Variants in LMLN observed in about 807,000 individuals in gnomAD.
LMLN encodes the protein leishmanolysin-like peptidase.
Under a neutral mutation model 92.3 loss-of-function variants are expected in LMLN, and 70 were observed. That is an observed-to-expected ratio of 0.76 (90% CI 0.63 to 0.92). The LOEUF (loss-of-function observed/expected upper bound fraction) is 0.92, where lower values mean the gene tolerates loss of function less well. LMLN is among the 40% of genes least tolerant of loss of function. The pLI, the probability that LMLN is intolerant of heterozygous loss-of-function variation, is 0.00. For synonymous variants in LMLN, 308 were observed against 296.2 expected, an observed-to-expected ratio of 1.04 and a Z score of -0.41; for missense variants, 691 against 814.6, an observed-to-expected ratio of 0.85 and a Z score of 1.85.
intron 1 of LMLN, among the ~76,000 whole-genome samples, chr3:197,967,380 C>T (rs1337849448): frequency 4.6e-5 from 7 of 152,148 alleles, no homozygotes; most frequent in East Asian, 3.8e-4. Flanking sequence ...TCAGTAGGAC[C>T]GTGATGCCCG....
chr3:197,990,509 T>C, intron 8 of LMLN, 50 bp from the exon 9 acceptor site: 1 of 792,874 alleles, frequency 1.3e-6, no homozygotes, highest in East Asian at 2.6e-5. Flanking sequence ...TTTTTATATT[T>C]AAAATGGTGA....
At chr3:197,998,359 G>C (rs939243155) in intron 10 of LMLN, among the ~76,000 whole-genome samples, 4 of 152,148 alleles carry the variant, frequency 2.6e-5, no homozygotes, top group African/African-American at 9.7e-5. Context: ...TGACCACAAA[G>C]TAACAATGAT....
intron 8 of LMLN, 100 bp downstream of exon 8, chr3:197,985,990 T>G (rs1211185766): frequency 1.4e-6 from 1 of 721,562 alleles, no homozygotes; most frequent in African/African-American, 1.8e-5. Context: ...TAATAATGTC[T>G]TCATGGCAAA....
intron 6 of LMLN, among the ~76,000 whole-genome samples, 185 bp from the exon 7 acceptor site, chr3:197,983,758 G>T (rs1721623664): frequency 1.3e-5 from 2 of 152,078 alleles, no homozygotes; most frequent in South Asian, 2.1e-4. Flanking sequence ...GGAAACAGGG[G>T]TTGATTTGCC....
chr3:197,978,912 C>G (rs1721477692), intron 5 of LMLN, among the ~76,000 whole-genome samples: 1 of 152,016 alleles, frequency 6.6e-6, no homozygotes, highest in Non-Finnish European at 1.5e-5. Context: ...AAGCTTGAAC[C>G]CTGGAGGCGG....
intron 1 of LMLN, among the ~76,000 whole-genome samples, chr3:197,965,660 A>G (rs1721037971): frequency 6.6e-6 from 1 of 152,218 alleles, no homozygotes; most frequent in African/African-American, 2.4e-5. Context: ...CATGCCTATA[A>G]GTCTAGCTCT....
chr3:197,989,577 C>CAT (rs1355031194), intron 8 of LMLN, among the ~76,000 whole-genome samples: 1 of 152,170 alleles, frequency 6.6e-6, no homozygotes, highest in African/African-American at 2.4e-5. Flanking sequence ...TTATCCTGTA[C>CAT]ACTTGTCAAA....
chr3:198,020,679 T>C (rs1301343063), intron 12 of LMLN, among the ~76,000 whole-genome samples: 3 of 151,398 alleles, frequency 2.0e-5, no homozygotes, highest in African/African-American at 7.3e-5. Context: ...CTTCAACCTC[T>C]GCCTCCCAGG....
chr3:198,011,687 A>G (rs1305236831), intron 11 of LMLN, among the ~76,000 whole-genome samples: 2 of 151,376 alleles, frequency 1.3e-5, no homozygotes, highest in Admixed American at 1.3e-4. Flanking sequence ...TAGATCCCTG[A>G]GGAATCGCCA....
At chr3:198,009,589 T>A (rs903439860) in intron 11 of LMLN, among the ~76,000 whole-genome samples, 1 of 152,186 alleles carries the variant, frequency 6.6e-6, no homozygotes, top group African/African-American at 2.4e-5. Flanking sequence ...CAGTGAAACA[T>A]CTGGGCCTGG....
chr3:197,981,968 C>A (rs1212592640), intron 6 of LMLN, among the ~76,000 whole-genome samples: 1 of 152,128 alleles, frequency 6.6e-6, no homozygotes, highest in African/African-American at 2.4e-5. Flanking sequence ...CTGCGCCCAA[C>A]TAATTTTTGT....
chr3:197,974,671 A>T (rs1721319256), intron 2 of LMLN, among the ~76,000 whole-genome samples, 197 bp downstream of exon 2: 1 of 152,250 alleles, frequency 6.6e-6, no homozygotes, highest in African/African-American at 2.4e-5. Flanking sequence ...CTTTATGAAT[A>T]ATTTTCTTTT....
intron 11 of LMLN, among the ~76,000 whole-genome samples, chr3:198,009,651 C>A (rs879577988): frequency 2.0e-5 from 3 of 151,978 alleles, no homozygotes; most frequent in Non-Finnish European, 4.4e-5. Context: ...AATTAAACTT[C>A]TTTAGTAGTT....
At chr3:197,972,710 T>A (rs1306335261) in intron 1 of LMLN, among the ~76,000 whole-genome samples, 1 of 152,186 alleles carries the variant, frequency 6.6e-6, no homozygotes, top group Non-Finnish European at 1.5e-5. Flanking sequence ...TAATTTTTTT[T>A]TTTTTGTAGC....
chr3:197,974,216 G>A (rs1051447718), intron 1 of LMLN, among the ~76,000 whole-genome samples, 161 bp from the exon 2 acceptor site: 5 of 152,218 alleles, frequency 3.3e-5, no homozygotes, highest in Non-Finnish European at 5.9e-5. Flanking sequence ...CCTTGCTTGG[G>A]AGAGCTTTGA....
chr3:197,979,638 A>G (rs1157019407), intron 5 of LMLN, among the ~76,000 whole-genome samples: 3 of 152,180 alleles, frequency 2.0e-5, no homozygotes, highest in Non-Finnish European at 4.4e-5. Context: ...CTATATGGTG[A>G]AACCCTGTCT....
intron 13 of LMLN, among the ~76,000 whole-genome samples, chr3:198,022,711 C>T (rs1029762998): frequency 6.6e-6 from 1 of 152,108 alleles, no homozygotes; most frequent in Non-Finnish European, 1.5e-5. Flanking sequence ...AAAAAATTAG[C>T]CAGGTGTGAT....
At chr3:198,036,160 C>G in intron 15 of LMLN, 117 bp downstream of exon 16, 1 of 857,226 alleles carries the variant, frequency 1.2e-6, no homozygotes, top group Non-Finnish European at 1.8e-6. Context: ...TTCTTCTCTG[C>G]TGATTGCATT....
rs560576901 is a variant in LMLN at position 197,965,821 on chromosome 3, G to A, written c.219+5381G>A. ...CCCACCTACTTGGTGGGGCTGAGGT[G>A]GGGGAATCACTTGAGCCCAGGAGGT... On this transcript the variant is annotated intron_variant, in intron 1 of 15. Coordinates refer to ENST00000330198, the Ensembl canonical transcript of LMLN. 2.7e-4 allele frequency among the ~76,000 whole-genome samples: 41 copies of A among 152,232 alleles called. No homozygotes were observed. The East Asian group carries it at 5.0e-3, about 19-fold the overall frequency.
Sources: gnomAD v4.1 joint callset for allele counts (sites outside exome capture counted in the v4.1 genomes callset) on GRCh38, gnomAD v4.1.1 for gene constraint, MANE v1.5 for transcripts, NCBI Gene and HGNC (gene_info 2026-07-23, HGNC 2026-07-21) for gene names.